Variants in PSPH observed in about 807,000 individuals in gnomAD.
PSPH encodes phosphoserine phosphatase.
PSPH carries 16 observed loss-of-function variants against 23.4 expected under a neutral mutation model. That is an observed-to-expected ratio of 0.68 (90% confidence interval 0.46 to 1.04). The LOEUF (loss-of-function observed/expected upper bound fraction) is 1.04. Among genes scored for constraint, PSPH ranks in the 50% least tolerant of loss-of-function variants. The pLI, the probability that PSPH is intolerant of heterozygous loss-of-function variation, is 0.00. For missense variants in PSPH, 223 were observed against 273.7 expected (o/e 0.81, Z 1.31); for synonymous variants, 68 against 99.7 (o/e 0.68, Z 1.89).
chr7:56,036,475 A>G (rs567885543), intron 1 of PSPH, among the ~76,000 whole-genome samples: 31 of 152,224 alleles, frequency 2.0e-4, no homozygotes, highest in Admixed American at 4.6e-4. Context: ...TATATTTACT[A>G]AAATCTGGCT....
chr7:56,041,209 C>CTTT (rs1163943212), intron 1 of PSPH, among the ~76,000 whole-genome samples: 28 of 130,400 alleles, frequency 2.1e-4, no homozygotes, highest in South Asian at 1.3e-3. Context: ...CTCTCTCTCT[C>CTTT]TTTTTTTTTT....
intron 1 of PSPH, among the ~76,000 whole-genome samples, chr7:56,046,733 G>A (rs540370168): frequency 3.6e-4 from 54 of 150,406 alleles, no homozygotes; most frequent in African/African-American, 1.2e-3. Flanking sequence ...GCAGTGAGCC[G>A]GTATCGCACC....
At chr7:56,032,386 C>CAT (rs1244477237) in intron 2 of PSPH, among the ~76,000 whole-genome samples, 1 of 152,090 alleles carries the variant, frequency 6.6e-6, no homozygotes, top group Non-Finnish European at 1.5e-5. Context: ...CTTGGGCGGG[C>CAT]ATGATGGCTC....
At chr7:56,015,290 G>A (rs988406467) in intron 6 of PSPH, 119 bp from the exon 7 acceptor site, 9 of 1,148,628 alleles carry the variant, frequency 7.8e-6, no homozygotes, top group South Asian at 1.3e-5. Flanking sequence ...ATGGCCGTCG[G>A]TAAAGTCACA....
rs1247500398 is a variant in PSPH at position 56,032,588 on chromosome 7, A to C, written c.-145-534T>G. Among the ~76,000 whole-genome samples the C allele has an allele frequency of 2.7e-5, 4 of 145,596 alleles. No individual in the cohort carries two copies. In the East Asian group the frequency reaches 8.4e-4, roughly 31 times the overall value. On this transcript the variant is annotated intron_variant, in intron 2 of 7. Transcript: ENST00000275605. ...GGCAGGAGAATGGCATGAACCCAGG[A>C]GGCAGAGCTTGCAGTGAGCTGAGAT...
chr7:56,013,192 CAT>C (rs1554346594), intron 7 of PSPH, among the ~76,000 whole-genome samples: 4 of 137,896 alleles, frequency 2.9e-5, no homozygotes, highest in East Asian at 4.8e-4. Context: ...CACACACACA[CAT>C]ATATATAGCA....
chr7:56,025,350 T>C (rs937234193), intron 3 of PSPH, among the ~76,000 whole-genome samples: 2 of 151,982 alleles, frequency 1.3e-5, no homozygotes, highest in African/African-American at 4.8e-5. Context: ...CAATCTCAGC[T>C]CACTGCAACC....
intron 6 of PSPH, 25 bp downstream of exon 6, chr7:56,017,209 G>T: frequency 6.2e-7 from 1 of 1,613,586 alleles, no homozygotes; most frequent in South Asian, 1.1e-5. Flanking sequence ...CTAAGAAAGG[G>T]AACATGTTAC....
chr7:56,024,704 T>C (rs1230897996), intron 3 of PSPH, among the ~76,000 whole-genome samples: 1 of 151,910 alleles, frequency 6.6e-6, no homozygotes, highest in Non-Finnish European at 1.5e-5. Context: ...GCTATGACCA[T>C]GACACTGCAC....
At chr7:56,043,725 AG>A (rs1792863820) in intron 1 of PSPH, among the ~76,000 whole-genome samples, 1 of 128,428 alleles carries the variant, frequency 7.8e-6, no homozygotes, top group African/African-American at 2.9e-5. Flanking sequence ...ACCTGTTGGG[AG>A]GCTAAGGTGG....
At chr7:56,036,928 C>T (rs778045226) in intron 1 of PSPH, among the ~76,000 whole-genome samples, 15 of 150,134 alleles carry the variant, frequency 1.0e-4, no homozygotes, top group East Asian at 8.2e-4. Flanking sequence ...AATCCCAGCA[C>T]TTAGGGAGGC....
In PSPH at chr7:56,015,316, C is replaced by T. The variant is rs1008066485; in HGVS notation, c.422-145G>A. On this transcript the variant is annotated intron_variant, in intron 6 of 7. Coordinates refer to ENST00000275605, the MANE Select transcript of PSPH (RefSeq NM_004577.4). ...TAAAGTCACACAGCCTGGAGCTCCACACCTGTTCCTGGGAATAAACAAGCT... is the reference window on the plus strand; with the variant it reads ...TAAAGTCACACAGCCTGGAGCTCCATACCTGTTCCTGGGAATAAACAAGCT... The T allele has an allele frequency of 3.2e-5, 26 of 806,788 alleles. 1 individual carries two copies. The South Asian group carries it at 3.8e-4, about 12-fold the overall frequency. The allele number at this position is 806,788 out of a possible 1,614,324, so 50.0% of individuals were successfully genotyped here.
At chr7:56,032,822 C>A (rs1031934494) in intron 2 of PSPH, among the ~76,000 whole-genome samples, 1 of 150,396 alleles carries the variant, frequency 6.6e-6, no homozygotes, top group Non-Finnish European at 1.5e-5. Context: ...CATGGTGGTG[C>A]GTATTTGTAG....
At chr7:56,016,307 G>A (rs908858751) in intron 6 of PSPH, among the ~76,000 whole-genome samples, 2 of 150,606 alleles carry the variant, frequency 1.3e-5, no homozygotes, top group African/African-American at 4.9e-5. Context: ...GGGAGGCTGA[G>A]GCAGGAGAAT....
intron 4 of PSPH, 99 bp from the exon 5 acceptor site, chr7:56,019,833 G>A: frequency 1.3e-6 from 2 of 1,517,924 alleles, no homozygotes; most frequent in Non-Finnish European, 1.8e-6. Context: ...CCAAAAGGAA[G>A]ATGCTACCAA....
At chr7:56,020,090 A>C (rs1026636371) in intron 4 of PSPH, among the ~76,000 whole-genome samples, 10 of 151,908 alleles carry the variant, frequency 6.6e-5, no homozygotes, top group African/African-American at 2.4e-4. Flanking sequence ...GTGGTGGTGC[A>C]CGCCTGTAAT....
intron 1 of PSPH, among the ~76,000 whole-genome samples, chr7:56,040,981 C>T (rs1004051480): frequency 2.0e-5 from 3 of 152,022 alleles, no homozygotes; most frequent in Non-Finnish European, 4.4e-5. Flanking sequence ...ATCTTATGGG[C>T]AGAGTTAAGG....
At chr7:56,046,384 C>G (rs1793246320) in intron 1 of PSPH, among the ~76,000 whole-genome samples, 1 of 151,990 alleles carries the variant, frequency 6.6e-6, no homozygotes, top group Admixed American at 6.6e-5. Flanking sequence ...GTGATCTGCC[C>G]ACCTCGGTGT....
chr7:56,021,683 T>A (rs1789483241), intron 3 of PSPH, among the ~76,000 whole-genome samples: 1 of 150,288 alleles, frequency 6.7e-6, no homozygotes, highest in East Asian at 2.0e-4. Flanking sequence ...GCGCGGTGGC[T>A]CAGGCCTGTA....
Sources: gnomAD v4.1 joint callset for allele counts (sites outside exome capture counted in the v4.1 genomes callset) on GRCh38, gnomAD v4.1.1 for gene constraint, MANE v1.5 for transcripts, NCBI Gene and HGNC (gene_info 2026-07-23, HGNC 2026-07-21) for gene names.